The following CA10 variants were observed in gnomAD, a reference collection of about 807,000 sequenced individuals.
The protein encoded by CA10 is carbonic anhydrase-related protein 10.
Under a neutral mutation model 44.2 loss-of-function variants are expected in CA10, and 14 were observed. The observed-to-expected ratio is 0.32, with a 90% CI of 0.21 to 0.50. The LOEUF (loss-of-function observed/expected upper bound fraction) is 0.50, where lower values mean the gene tolerates loss of function less well. Ranked by LOEUF, CA10 falls within the 20% of genes least tolerant of loss-of-function variation. The probability of loss-of-function intolerance (pLI) is 0.99; values close to 1 mark genes in which losing one functional copy is unlikely to be tolerated. For synonymous variants in CA10, 159 were observed against 141.6 expected (o/e 1.12, Z -0.87); for missense variants, 350 against 409.7 (o/e 0.85, Z 1.26).
chr17:52,062,445 G>A (rs931843450), intron 2 of CA10, among the ~76,000 whole-genome samples: 3 of 152,110 alleles, frequency 2.0e-5, no homozygotes, highest in African/African-American at 7.2e-5. Context: ...TGGATAAAAG[G>A]GAGTCAGGTG....
rs558014863 is a variant in CA10, at chr17:51,878,143, CAAAAAAAAA to C, written c.279+52838_279+52846del. On this transcript the variant is annotated intron_variant, in intron 3 of 8. Transcript: ENST00000451037. Reference sequence around the variant, plus strand: ...TGGGTGACAGAGCATGACTCCGTCTCAAAAAAAAAAAAAAAAAAAAAAAAGAAAAAGGAA... The same window carrying C: ...TGGGTGACAGAGCATGACTCCGTCTCAAAAAAAAAAAAAAAGAAAAAGGAA... Among the ~76,000 whole-genome samples, 18 of 63,690 alleles carry C rather than the reference CAAAAAAAAA, an allele frequency of 2.8e-4. 1 individual carries two copies. Among genetic ancestry groups the C allele is most frequent in the Non-Finnish European group, 4.6e-4 (17 of 37,194 alleles). The allele number at this position is 63,690 out of a possible 152,430, so 41.8% of individuals were successfully genotyped here.
chr17:51,864,071 C>A (rs758187094), intron 3 of CA10, among the ~76,000 whole-genome samples: 3 of 152,182 alleles, frequency 2.0e-5, no homozygotes, highest in Non-Finnish European at 2.9e-5. Context: ...AGCCAGCTCC[C>A]ATCTTGACTC....
intron 2 of CA10, among the ~76,000 whole-genome samples, chr17:51,943,546 G>C (rs1340510178): frequency 6.6e-6 from 1 of 152,152 alleles, no homozygotes; most frequent in Admixed American, 6.5e-5. Flanking sequence ...GCCTTTCGGG[G>C]CTCCTGGCAG....
intron 4 of CA10, among the ~76,000 whole-genome samples, chr17:51,724,066 A>T (rs950795318): frequency 1.1e-4 from 17 of 151,892 alleles, no homozygotes; most frequent in Admixed American, 1.3e-4. Flanking sequence ...GGAAGTTTGG[A>T]ATTTTGAGGG....
At chr17:51,658,691 C>T (rs1913890529) in intron 4 of CA10, among the ~76,000 whole-genome samples, 2 of 152,102 alleles carry the variant, frequency 1.3e-5, no homozygotes, top group South Asian at 4.1e-4. Context: ...TGATTTTATT[C>T]CAAACACAAT....
chr17:51,930,910 A>G, intron 3 of CA10, 80 bp downstream of exon 3: 1 of 1,525,320 alleles, frequency 6.6e-7, no homozygotes, highest in Non-Finnish European at 9.0e-7. Flanking sequence ...CATCACAGAG[A>G]CTGAAGCCTT....
intron 3 of CA10, among the ~76,000 whole-genome samples, chr17:51,801,341 TG>T (rs972594681): frequency 2.6e-5 from 4 of 152,132 alleles, no homozygotes; most frequent in African/African-American, 9.7e-5. Context: ...CAGTCGCCCT[TG>T]GGGACTGGGG....
At chr17:51,959,221 T>C (rs1047008189) in intron 2 of CA10, among the ~76,000 whole-genome samples, 32 of 151,718 alleles carry the variant, frequency 2.1e-4, no homozygotes, top group Non-Finnish European at 3.2e-4. Flanking sequence ...TTTTTTTTTT[T>C]TTTTTGAGCA....
At chr17:51,791,590 G>T (rs1046186893) in intron 3 of CA10, among the ~76,000 whole-genome samples, 1 of 152,172 alleles carries the variant, frequency 6.6e-6, no homozygotes, top group Non-Finnish European at 1.5e-5. Flanking sequence ...TAGGGAAACT[G>T]TCAATGACGA....
intron 3 of CA10, among the ~76,000 whole-genome samples, chr17:51,908,251 C>T (rs971143820): frequency 3.9e-5 from 6 of 152,128 alleles, no homozygotes; most frequent in East Asian, 3.9e-4. Context: ...GAACTCATTC[C>T]CACAAATGGT....
At chr17:51,759,243 AG>A (rs954243551) in intron 3 of CA10, among the ~76,000 whole-genome samples, 1 of 151,912 alleles carries the variant, frequency 6.6e-6, no homozygotes, top group African/African-American at 2.4e-5. Flanking sequence ...CTGATTGATT[AG>A]CAGTATGCCC....
intron 2 of CA10, among the ~76,000 whole-genome samples, chr17:52,028,938 G>A (rs1986381687): frequency 6.6e-6 from 1 of 152,138 alleles, no homozygotes; most frequent in African/African-American, 2.4e-5. Context: ...CCAACTTGTG[G>A]CCTGGAGAAT....
At chr17:51,893,894 ATAT>A (rs1980963157) in intron 3 of CA10, among the ~76,000 whole-genome samples, 1 of 152,308 alleles carries the variant, frequency 6.6e-6, no homozygotes, top group South Asian at 2.1e-4. Context: ...TTTTTGAAAA[ATAT>A]TTGTTACAAT....
At chr17:52,048,055 A>C (rs571106763) in intron 2 of CA10, among the ~76,000 whole-genome samples, 155 of 151,876 alleles carry the variant, frequency 1.0e-3, no homozygotes, top group Non-Finnish European at 1.7e-3. Flanking sequence ...AAAAAAAAAA[A>C]AAACATTTGT....
intron 2 of CA10, among the ~76,000 whole-genome samples, chr17:52,018,221 T>C (rs1481336896): frequency 1.3e-5 from 2 of 152,098 alleles, no homozygotes; most frequent in Admixed American, 1.3e-4. Flanking sequence ...ACCAGCACAC[T>C]GCCTAGTGGA....
chr17:51,878,890 A>ATATG (rs1980228061), intron 3 of CA10, among the ~76,000 whole-genome samples: 2 of 16,514 alleles, frequency 1.2e-4, no homozygotes, highest in African/African-American at 1.9e-4. Context: ...ATATATATAT[A>ATATG]TGGGTGTGTG....
intron 2 of CA10, among the ~76,000 whole-genome samples, chr17:52,041,950 C>T (rs529819680): frequency 6.6e-6 from 1 of 152,008 alleles, no homozygotes; most frequent in East Asian, 1.9e-4. Context: ...TAATATTCCT[C>T]TGTGTGTGTC....
chr17:51,777,048 G>A (rs1905847774), intron 3 of CA10, among the ~76,000 whole-genome samples: 1 of 152,164 alleles, frequency 6.6e-6, no homozygotes, highest in Non-Finnish European at 1.5e-5. Flanking sequence ...TCCACTGCAA[G>A]AGAATTCATG....
At chr17:52,145,855 C>G (rs1215103498) in intron 1 of CA10, among the ~76,000 whole-genome samples, 1 of 152,052 alleles carries the variant, frequency 6.6e-6, no homozygotes, top group Non-Finnish European at 1.5e-5. Context: ...TGGTAAGGAA[C>G]TTCATACTGT....
Sources: gnomAD v4.1 joint callset for allele counts (sites outside exome capture counted in the v4.1 genomes callset) on GRCh38, gnomAD v4.1.1 for gene constraint, MANE v1.5 for transcripts, NCBI Gene and HGNC (gene_info 2026-07-23, HGNC 2026-07-21) for gene names.